PMEPA1: variants seen among roughly 807,000 people sequenced by gnomAD.
PMEPA1 encodes the protein protein TMEPAI.
In PMEPA1, 11 loss-of-function variants were observed where a neutral mutation model predicts 23.0. The ratio of observed to expected loss-of-function variants is 0.48; its 90% CI spans 0.30 to 0.79. PMEPA1 has a LOEUF of 0.79. Ranked by LOEUF, PMEPA1 falls within the 30% of genes least tolerant of loss-of-function variation. The pLI, the probability that PMEPA1 is intolerant of heterozygous loss-of-function variation, is 0.06. For missense variants in PMEPA1, 377 were observed against 390.9 expected (o/e 0.96, Z 0.30); for synonymous variants, 204 against 166.4 (o/e 1.23, Z -1.74).
chr20:57,677,434 G>T (rs747200191), intron 1 of PMEPA1, among the ~76,000 whole-genome samples: 1 of 152,146 alleles, frequency 6.6e-6, no homozygotes, highest in Non-Finnish European at 1.5e-5. Context: ...AAAGCGCCTC[G>T]ATGACCCTTA....
At position 57,656,296 on chromosome 20, in the gene PMEPA1, A is replaced by C. The variant is rs980591988; in HGVS notation, c.265-3210T>G. 6.6e-6 allele frequency among the ~76,000 whole-genome samples: 1 copy of C among 151,146 alleles called. No homozygotes were observed. The highest frequency in any genetic ancestry group is 1.5e-5 in the Non-Finnish European group (1 of 67,664). On this transcript the variant is annotated intron_variant, in intron 2 of 3. Coordinates refer to ENST00000341744, the MANE Select transcript of PMEPA1 (RefSeq NM_020182.5). The surrounding 1 kb of genome is among the most constrained non-coding windows in gnomAD (Gnocchi z 4.7). ...GGTCTTTGGCTCCCGCTGCTGGCAGATTGTCGCACATTGGCCTGGCCACAG... is the reference window on the plus strand; with the variant it reads ...GGTCTTTGGCTCCCGCTGCTGGCAGCTTGTCGCACATTGGCCTGGCCACAG...
chr20:57,675,297 G>C (rs1034374927), intron 1 of PMEPA1, among the ~76,000 whole-genome samples: 1 of 152,120 alleles, frequency 6.6e-6, no homozygotes, highest in Non-Finnish European at 1.5e-5. Flanking sequence ...TCAAAACAAA[G>C]TACCCACCCC....
In PMEPA1 at chr20:57,651,922, CAG is replaced by C. The variant is rs1277717698; in HGVS notation, c.*129_*130del. The C allele has an allele frequency of 4.3e-5, 25 of 586,020 alleles. 1 individual carries two copies. Among genetic ancestry groups the C allele is most frequent in the Admixed American group, 3.0e-4 (8 of 26,976 alleles). The allele number at this position is 586,020 out of a possible 1,614,324, so 36.3% of individuals were successfully genotyped here. On this transcript the variant is annotated 3_prime_UTR_variant, in exon 4 of 4. Coordinates refer to ENST00000341744, the MANE Select transcript of PMEPA1 (RefSeq NM_020182.5). ...GACATCACATGTAAATATTTATACA[CAG>C]GGAGGTGGGAGGGGAGGGCCACACG...
intron 1 of PMEPA1, among the ~76,000 whole-genome samples, chr20:57,681,535 G>A (rs1482913247): frequency 1.3e-5 from 2 of 152,284 alleles, no homozygotes; most frequent in Middle Eastern, 3.4e-3. Context: ...AGAAGGGAAC[G>A]GCCCTCCCAG....
chr20:57,703,805 A>G (rs2072042211), intron 1 of PMEPA1, among the ~76,000 whole-genome samples: 1 of 152,166 alleles, frequency 6.6e-6, no homozygotes, highest in Non-Finnish European at 1.5e-5. Flanking sequence ...AGAATGGACC[A>G]TCGAGTCCAA....
intron 1 of PMEPA1, among the ~76,000 whole-genome samples, chr20:57,674,678 C>T (rs1463166506): frequency 6.6e-6 from 1 of 152,222 alleles, no homozygotes; most frequent in African/African-American, 2.4e-5. Context: ...CCATGAAAGA[C>T]ATTTTCTTCT....
chr20:57,672,221 A>G (rs2071578525), intron 1 of PMEPA1, among the ~76,000 whole-genome samples: 1 of 152,242 alleles, frequency 6.6e-6, no homozygotes, highest in South Asian at 2.1e-4. Context: ...GCCTGCATGC[A>G]CTCACATGTG....
chr20:57,710,202 C>CG, upstream of PMEPA1: 1 of 488,766 alleles, frequency 2.0e-6, no homozygotes, highest in Non-Finnish European at 3.2e-6. Flanking sequence ...ACCCGCGCAA[C>CG]GGAGGAGGGG....
chr20:57,700,220 TGACA>T, intron 1 of PMEPA1: 1 of 462,596 alleles, frequency 2.2e-6, no homozygotes, highest in Non-Finnish European at 4.5e-6. Flanking sequence ...CAGCTGCCAC[TGACA>T]GACCCCTCCA....
Position 57,652,419 on chromosome 20 carries a change from G to A in PMEPA1, c.498C>T (p.Thr166=). Residue 166 remains threonine (T), a synonymous_variant, in exon 4 of 4, where the codon ACC becomes ACT. Transcript: ENST00000341744. The surrounding 1 kb of genome is among the most constrained non-coding windows in gnomAD (Gnocchi z 6.1). The stretch of plus-strand genomic sequence containing the variant: ...GCTGCTCGGGGTCCCGAAGCTGGAG[G>A]GTGCAGGGGCCCTGGTAGGGTGGGG... The part of the protein sequence containing the change: ...EEPPPYQGPC[T]LQLRDPEQQL... The A allele has an allele frequency of 6.2e-7, 1 of 1,613,840 alleles. No individual in the cohort carries two copies. The highest frequency in any genetic ancestry group is 8.5e-7 in the Non-Finnish European group (1 of 1,179,908).
intron 1 of PMEPA1, among the ~76,000 whole-genome samples, chr20:57,690,854 G>A (rs577158337): frequency 2.4e-4 from 37 of 152,318 alleles, no homozygotes; most frequent in Non-Finnish European, 4.1e-4. Flanking sequence ...AAATGTGTGA[G>A]CATGCAGGTT....
At chr20:57,665,534 C>T (rs1045540784) in intron 1 of PMEPA1, among the ~76,000 whole-genome samples, 1 of 151,008 alleles carries the variant, frequency 6.6e-6, no homozygotes, top group Non-Finnish European at 1.5e-5. Context: ...AAGAACCAAC[C>T]GGGGCAGGGG....
At chr20:57,694,434 T>TA (rs1243159159) in intron 1 of PMEPA1, among the ~76,000 whole-genome samples, 1 of 152,252 alleles carries the variant, frequency 6.6e-6, no homozygotes, top group African/African-American at 2.4e-5. Context: ...TTTCCTAACA[T>TA]ACATTCACAT....
At chr20:57,696,195 GC>G (rs1241857286) in intron 1 of PMEPA1, among the ~76,000 whole-genome samples, 3 of 152,184 alleles carry the variant, frequency 2.0e-5, no homozygotes, top group African/African-American at 7.2e-5. Context: ...CCCCCAACCA[GC>G]CCATCCCTTA....
chr20:57,660,723 A>T (rs1006596180), intron 1 of PMEPA1, among the ~76,000 whole-genome samples: 14 of 127,148 alleles, frequency 1.1e-4, no homozygotes, highest in Non-Finnish European at 2.1e-4. Flanking sequence ...CCCAACACGT[A>T]CCCCTAACAC....
At chr20:57,695,988 C>T (rs1568683508) in intron 1 of PMEPA1, among the ~76,000 whole-genome samples, 1 of 152,178 alleles carries the variant, frequency 6.6e-6, no homozygotes, top group Non-Finnish European at 1.5e-5. Context: ...GTTCTCTGGA[C>T]TCTCTCCTCA....
intron 1 of PMEPA1, among the ~76,000 whole-genome samples, chr20:57,674,303 G>A (rs905721786): frequency 6.6e-6 from 1 of 152,238 alleles, no homozygotes; most frequent in Non-Finnish European, 1.5e-5. Flanking sequence ...GAACGGCCAT[G>A]TGAGGACGCA....
At chr20:57,688,204 G>A (rs901883664) in intron 1 of PMEPA1, among the ~76,000 whole-genome samples, 14 of 152,334 alleles carry the variant, frequency 9.2e-5, no homozygotes, top group African/African-American at 3.1e-4. Context: ...TCCTCCTCAG[G>A]TCAGTGCAAC....
chr20:57,652,195 C>A lies in PMEPA1; in HGVS notation c.722G>T (p.Gly241Val), dbSNP rs755633592. The A allele has an allele frequency of 6.2e-7, 1 of 1,609,826 alleles. No homozygotes were observed. The stretch of plus-strand genomic sequence containing the variant: ...GCTCTGCTGGTGCTGGAAGGAGGAC[C>A]CCGGGTAGTGGCCGATGACCTCGCT... ...TYSEVIGHYP[G>V]SSFQHQQSSG... Residue 241 changes from glycine to valine, a missense_variant, in exon 4 of 4, where the codon GGG becomes GTG. Transcript: ENST00000341744. This position sits in a 1 kb window ranked among gnomAD's most constrained non-coding sequence, Gnocchi z 6.1.
Sources: allele counts gnomAD v4.1 joint callset (sites outside exome capture counted in the v4.1 genomes callset), GRCh38; gene constraint gnomAD v4.1.1; non-coding constraint Gnocchi (gnomAD v3.1); transcripts MANE v1.5; gene names NCBI Gene and HGNC (gene_info 2026-07-23, HGNC 2026-07-21).